Variants in SHROOM3 observed in about 807,000 individuals in gnomAD.
The protein encoded by SHROOM3 is shroom family member 3.
SHROOM3 carries 47 observed loss-of-function variants against 138.6 expected under a neutral mutation model. That is an observed-to-expected ratio of 0.34 (90% confidence interval 0.27 to 0.43). The LOEUF (loss-of-function observed/expected upper bound fraction) is 0.43. Among genes scored for constraint, SHROOM3 ranks in the 20% least tolerant of loss-of-function variants. SHROOM3 has a pLI of 1.00. For missense variants in SHROOM3, 2,491 were observed against 2,596.5 expected, an observed-to-expected ratio of 0.96 and a Z score of 0.88; for synonymous variants, 1,062 against 1,063.3, an observed-to-expected ratio of 1.00 and a Z score of 0.02.
chr4:76,644,090 C>A (rs1735753874), intron 2 of SHROOM3, among the ~76,000 whole-genome samples: 1 of 151,992 alleles, frequency 6.6e-6, no homozygotes, highest in East Asian at 1.9e-4. Context: ...GTGATCTGCC[C>A]TCCTCGGCCT....
intron 5 of SHROOM3, among the ~76,000 whole-genome samples, chr4:76,745,623 C>A (rs1376460732): frequency 6.6e-6 from 1 of 152,172 alleles, no homozygotes; most frequent in Non-Finnish European, 1.5e-5. Context: ...TGTGAAGATA[C>A]AAATAGCTAA....
chr4:76,557,969 T>A (rs1219053643), intron 2 of SHROOM3, among the ~76,000 whole-genome samples: 1 of 152,160 alleles, frequency 6.6e-6, no homozygotes, highest in East Asian at 1.9e-4. Context: ...CATGGGGCCA[T>A]TCCTTGTGTC....
In SHROOM3 at chr4:76,740,898, G is replaced by T; in HGVS notation, c.2725G>T (p.Gly909Cys). ...GGAGCCCGAGTGGCGGGACAGGCCC[G>T]GCTCGCCCGAATCGCCCCTGCTGGA... ...EREPEWRDRP[G>C]SPESPLLDAP... The change falls in exon 5 of 11, where the codon GGC becomes TGC. Residue 909 changes from glycine (G) to cysteine (C), a missense_variant. Gly to Cys is a radical substitution (Grantham distance 159). Coordinates refer to ENST00000296043, the MANE Select transcript of SHROOM3 (RefSeq NM_020859.4). The surrounding 1 kb of genome is among the most constrained non-coding windows in gnomAD (Gnocchi z 4.0). The T allele has an allele frequency of 2.1e-5, 31 of 1,511,440 alleles. No individual in the cohort carries two copies. Among genetic ancestry groups the T allele is most frequent in the Non-Finnish European group, 2.6e-5 (30 of 1,134,448 alleles). The allele number at this position is 1,511,440 out of a possible 1,614,324, so 93.6% of individuals were successfully genotyped here.
chr4:76,531,722 A>C (rs1732832038), intron 1 of SHROOM3, among the ~76,000 whole-genome samples: 1 of 152,180 alleles, frequency 6.6e-6, no homozygotes, highest in Non-Finnish European at 1.5e-5. Context: ...CCAACCAGTC[A>C]CTTTGGCCAG....
chr4:76,708,580 T>A (rs1186297260), intron 2 of SHROOM3, among the ~76,000 whole-genome samples: 1 of 152,210 alleles, frequency 6.6e-6, no homozygotes, highest in African/African-American at 2.4e-5. Context: ...TCTTGGAGTG[T>A]GCTGTTTACA....
chr4:76,460,407 A>C (rs1015180005), intron 1 of SHROOM3, among the ~76,000 whole-genome samples: 1 of 152,208 alleles, frequency 6.6e-6, no homozygotes, highest in Non-Finnish European at 1.5e-5. Context: ...TGCGACCTTT[A>C]TGTATCTTAC....
chr4:76,647,340 T>A (rs887285960), intron 2 of SHROOM3, among the ~76,000 whole-genome samples: 11 of 152,152 alleles, frequency 7.2e-5, no homozygotes, highest in Non-Finnish European at 1.3e-4. Flanking sequence ...TACGCTCTAA[T>A]GTTCGACAGC....
chr4:76,454,264 G>T (rs939425831), intron 1 of SHROOM3, among the ~76,000 whole-genome samples: 1 of 152,086 alleles, frequency 6.6e-6, no homozygotes, highest in East Asian at 1.9e-4. Context: ...CGCTGGTCTC[G>T]GACTTCTGAC....
Position 76,780,076 on chromosome 4 carries a change from C to T in SHROOM3, c.*899C>T, listed in dbSNP as rs564187970. On this transcript the variant is annotated 3_prime_UTR_variant, in exon 11 of 11. Transcript: ENST00000296043. ...CGTCCAGAATCCAACAAAATTCAAACGGAGCCCATGCTGTTCTCCTGAACA... is the reference window on the plus strand; with the variant it reads ...CGTCCAGAATCCAACAAAATTCAAATGGAGCCCATGCTGTTCTCCTGAACA... 6.6e-6 allele frequency: 1 copy of T among 152,134 alleles called. No homozygotes were observed. The highest frequency in any genetic ancestry group is 1.5e-5 in the Non-Finnish European group (1 of 68,030). 9.4% of individuals were successfully genotyped at this position (152,134 alleles called of 1,614,324 possible).
chr4:76,654,820 G>C (rs1414054893), intron 2 of SHROOM3, among the ~76,000 whole-genome samples: 2 of 152,128 alleles, frequency 1.3e-5, no homozygotes, highest in Non-Finnish European at 2.9e-5. Context: ...ATTGTATTAT[G>C]CTATTATATT....
chr4:76,500,340 CCAGCCGCTCTT>C (rs1560525677), intron 1 of SHROOM3, among the ~76,000 whole-genome samples: 1 of 152,144 alleles, frequency 6.6e-6, no homozygotes, highest in Non-Finnish European at 1.5e-5. Context: ...CTCCTGTTGG[CCAGCCGCTCTT>C]GCAGCTACAG....
chr4:76,523,299 C>T (rs1184138442), intron 1 of SHROOM3, among the ~76,000 whole-genome samples: 1 of 152,132 alleles, frequency 6.6e-6, no homozygotes, highest in African/African-American at 2.4e-5. Context: ...TCTATGTGAC[C>T]TCATCTTAAC....
chr4:76,480,413 G>C (rs1731582590), intron 1 of SHROOM3, among the ~76,000 whole-genome samples: 1 of 152,114 alleles, frequency 6.6e-6, no homozygotes, highest in African/African-American at 2.4e-5. Context: ...AATGGTAAAG[G>C]GATCAATGCA....
chr4:76,471,231 G>A (rs1036862891), intron 1 of SHROOM3, among the ~76,000 whole-genome samples: 1 of 150,228 alleles, frequency 6.7e-6, no homozygotes, highest in Non-Finnish European at 1.5e-5. Context: ...AGACTAGTTT[G>A]TTCTTCCTTT....
chr4:76,627,813 C>T (rs185146090), intron 2 of SHROOM3, among the ~76,000 whole-genome samples: 373 of 152,222 alleles, frequency 2.5e-3, no homozygotes, highest in Middle Eastern at 0.02. Context: ...GCTGGGACTA[C>T]GGGTGTGTGC....
At chr4:76,503,803 A>C (rs1732149726) in intron 1 of SHROOM3, among the ~76,000 whole-genome samples, 1 of 152,232 alleles carries the variant, frequency 6.6e-6, no homozygotes, top group Non-Finnish European at 1.5e-5. Flanking sequence ...TGTGGAAGGC[A>C]TTTGGTAGAT....
At chr4:76,596,395 G>A (rs1383440492) in intron 2 of SHROOM3, among the ~76,000 whole-genome samples, 2 of 152,148 alleles carry the variant, frequency 1.3e-5, no homozygotes, top group African/African-American at 4.8e-5. Flanking sequence ...CTGGGCAACA[G>A]AGCAAGACCC....
intron 2 of SHROOM3, among the ~76,000 whole-genome samples, chr4:76,654,588 A>C (rs987085491): frequency 2.0e-5 from 3 of 152,150 alleles, no homozygotes; most frequent in African/African-American, 7.2e-5. Context: ...GAAAGCAGGG[A>C]GACAATTTAG....
At position 76,741,586 on chromosome 4, in the gene SHROOM3, G is replaced by A. The variant is rs1230654030; in HGVS notation, c.3413G>A (p.Ser1138Asn). The A allele has an allele frequency of 1.9e-6, 3 of 1,541,318 alleles. No homozygotes were observed. Among genetic ancestry groups the A allele is most frequent in the South Asian group, 2.4e-5 (2 of 84,274 alleles). ...LEGSGLASAS[S>N]LSSLREPSLQ... ...GGCTCCGGCCTCGCCTCGGCCTCCA[G>A]CTTGAGCTCACTGCGGGAGCCCAGC... The change falls in exon 5 of 11, where the codon AGC (serine) becomes AAC (asparagine). Residue 1138 changes from serine (S) to asparagine (N), a missense_variant. This residue lies in a region of SHROOM3 where 1,733 missense variants were observed against 1,661.6 expected (regional missense o/e 1.04). Transcript: ENST00000296043. This position sits in a 1 kb window ranked among gnomAD's most constrained non-coding sequence, Gnocchi z 6.2.
Sources: allele counts gnomAD v4.1 joint callset (sites outside exome capture counted in the v4.1 genomes callset), GRCh38; gene constraint gnomAD v4.1.1; regional missense constraint gnomAD v4.1.1; non-coding constraint Gnocchi (gnomAD v3.1); transcripts MANE v1.5; gene names NCBI Gene and HGNC (gene_info 2026-07-23, HGNC 2026-07-21).